The following CATSPERE variants were observed in gnomAD, a reference collection of about 807,000 sequenced individuals.
The protein encoded by CATSPERE is cation channel sperm-associated auxiliary subunit epsilon.
In CATSPERE, 93 loss-of-function variants were observed where a neutral mutation model predicts 114.1. That is an observed-to-expected ratio of 0.81 (90% CI 0.69 to 0.97). The LOEUF is 0.97. Among genes scored for constraint, CATSPERE ranks in the 50% least tolerant of loss-of-function variants. The pLI, the probability that CATSPERE is intolerant of heterozygous loss-of-function variation, is 0.00. For missense variants in CATSPERE, 1,058 were observed against 1,131.6 expected (o/e 0.93, Z 0.93); for synonymous variants, 341 against 384.1 (o/e 0.89, Z 1.31).
chr1:244,513,060 T>C (rs1207400409), intron 7 of CATSPERE, among the ~76,000 whole-genome samples: 1 of 152,194 alleles, frequency 6.6e-6, no homozygotes, highest in Non-Finnish European at 1.5e-5. Context: ...TTCTTGGGCC[T>C]CCAGGTGGCT....
chr1:244,485,694 T>TG, intron 5 of CATSPERE, among the ~76,000 whole-genome samples: 1 of 101,374 alleles, frequency 9.9e-6, no homozygotes, highest in South Asian at 2.9e-4. Context: ...CTAAATTTTG[T>TG]TTTTTTTGTT....
intron 9 of CATSPERE, among the ~76,000 whole-genome samples, chr1:244,560,149 C>T (rs1662324696): frequency 1.3e-5 from 2 of 151,960 alleles, no homozygotes; most frequent in Non-Finnish European, 2.9e-5. Context: ...CACGCCACCA[C>T]CCCCAACTAG....
chr1:244,593,542 T>C lies in CATSPERE; in HGVS notation c.2267T>C (p.Leu756Pro). 6.2e-7 allele frequency: 1 copy of C among 1,614,094 alleles called. No individual in the cohort carries two copies. The highest frequency in any genetic ancestry group is 8.5e-7 in the Non-Finnish European group (1 of 1,179,960). ...IWGEYGCPLRLDFTEKFQPVV... is the reference protein window; with the variant it reads ...IWGEYGCPLRPDFTEKFQPVV... ...GGAGAATATGGCTGCCCTCTGAGGC[T>C]TGACTTCACAGAAAAGTTTCAACCT... Residue 756 changes from leucine (L) to proline (P), a missense_variant, in exon 17 of 22, where the codon CTT becomes CCT. Physicochemically the swap from Leu to Pro is moderately conservative, Grantham distance 98. Transcript: ENST00000366534.
chr1:244,512,358 G>T (rs944315888), intron 7 of CATSPERE, among the ~76,000 whole-genome samples: 5 of 152,082 alleles, frequency 3.3e-5, no homozygotes, highest in Admixed American at 3.3e-4. Context: ...TTTATGCATT[G>T]AATTCTTCAG....
At position 244,568,815 on chromosome 1, in the gene CATSPERE, C is replaced by T. The variant is rs1049928334; in HGVS notation, c.1508-3515C>T. 6.6e-6 allele frequency among the ~76,000 whole-genome samples: 1 copy of T among 152,190 alleles called. No homozygotes were observed. The highest frequency in any genetic ancestry group is 1.5e-5 in the Non-Finnish European group (1 of 68,034). On this transcript the variant is annotated intron_variant, in intron 10 of 21. Transcript: ENST00000366534. The surrounding 1 kb of genome is among the most constrained non-coding windows in gnomAD (Gnocchi z 4.4). ...GGATCCACTGAGCTAGACCACTTGGCTCCCTGGCTTCAGCCCCCTTTCCAG... is the reference window on the plus strand; with the variant it reads ...GGATCCACTGAGCTAGACCACTTGGTTCCCTGGCTTCAGCCCCCTTTCCAG...
At chr1:244,481,297 A>G (rs1670227427) in intron 5 of CATSPERE, among the ~76,000 whole-genome samples, 1 of 151,618 alleles carries the variant, frequency 6.6e-6, no homozygotes, top group South Asian at 2.1e-4. Context: ...AAAATACAAA[A>G]AGAATTAGCC....
chr1:244,548,773 G>T (rs1268859054), intron 8 of CATSPERE, among the ~76,000 whole-genome samples: 1 of 152,190 alleles, frequency 6.6e-6, no homozygotes, highest in Non-Finnish European at 1.5e-5. Context: ...GGCTGAGCAA[G>T]GTTCCCCAGA....
intron 20 of CATSPERE, among the ~76,000 whole-genome samples, chr1:244,623,057 T>TA (rs1196548183): frequency 2.4e-4 from 31 of 127,680 alleles, no homozygotes; most frequent in African/African-American, 5.5e-4. Context: ...ATTTGTCTTA[T>TA]TTTTATTTAT....
chr1:244,536,314 G>A (rs543097599), intron 8 of CATSPERE, among the ~76,000 whole-genome samples: 3 of 152,042 alleles, frequency 2.0e-5, no homozygotes, highest in Non-Finnish European at 4.4e-5. Context: ...TCTGAGCCCA[G>A]TACAGCACTA....
intron 8 of CATSPERE, among the ~76,000 whole-genome samples, chr1:244,531,235 C>CA (rs60936159): frequency 0.028 from 1,637 of 58,942 alleles, 30 homozygotes; most frequent in Non-Finnish European, 0.034. Context: ...GACTCAGTCT[C>CA]AAAAAAAAAA....
At chr1:244,500,760 G>A (rs1172484453) in intron 7 of CATSPERE, among the ~76,000 whole-genome samples, 6 of 151,666 alleles carry the variant, frequency 4.0e-5, no homozygotes, top group Non-Finnish European at 7.4e-5. Context: ...TTGTAGTATA[G>A]TTTCAAGTCA....
chr1:244,515,047 T>TA (rs1676399334), intron 7 of CATSPERE, among the ~76,000 whole-genome samples: 1 of 152,212 alleles, frequency 6.6e-6, no homozygotes, highest in Non-Finnish European at 1.5e-5. Flanking sequence ...AATCCTATTT[T>TA]AAAATCTCTT....
intron 13 of CATSPERE, among the ~76,000 whole-genome samples, chr1:244,587,708 G>T (rs1380583924): frequency 2.0e-5 from 3 of 152,210 alleles, no homozygotes; most frequent in Non-Finnish European, 4.4e-5. Flanking sequence ...GAGTATTGCT[G>T]CTTAAAGGAG....
intron 6 of CATSPERE, 58 bp downstream of exon 6, chr1:244,490,529 T>C: frequency 1.9e-6 from 2 of 1,035,256 alleles, no homozygotes; most frequent in Non-Finnish European, 2.9e-6. Context: ...ATTGTTTCTC[T>C]CTTATCTTCC....
intron 5 of CATSPERE, among the ~76,000 whole-genome samples, chr1:244,482,462 C>T (rs1015528809): frequency 6.6e-6 from 1 of 151,976 alleles, no homozygotes; most frequent in African/African-American, 2.4e-5. Context: ...AGTTGTCAGG[C>T]ATGATGACTT....
At position 244,499,098 on chromosome 1, in the gene CATSPERE, A is replaced by G. The variant is rs755365794; in HGVS notation, c.429+19A>G. ...TTCAATAGTAGGTGGAAACATTAGTATCGTCATAGTAAGAACAGAATGCTG... is the reference window on the plus strand; with the variant it reads ...TTCAATAGTAGGTGGAAACATTAGTGTCGTCATAGTAAGAACAGAATGCTG... On this transcript the variant is annotated intron_variant, in intron 7 of 21. Coordinates refer to ENST00000366534, the MANE Select transcript of CATSPERE (RefSeq NM_001130957.2). 3.8e-6 allele frequency: 6 copies of G among 1,563,162 alleles called. No homozygotes were observed. The highest frequency in any genetic ancestry group is 5.3e-6 in the Non-Finnish European group (6 of 1,134,334).
intron 11 of CATSPERE, among the ~76,000 whole-genome samples, chr1:244,581,554 T>C (rs1666174341): frequency 6.6e-6 from 1 of 152,226 alleles, no homozygotes; most frequent in Admixed American, 6.5e-5. Flanking sequence ...TTAACAGCTC[T>C]ATATCTATAC....
At chr1:244,493,761 A>G (rs1490824092) in intron 6 of CATSPERE, among the ~76,000 whole-genome samples, 6 of 152,204 alleles carry the variant, frequency 3.9e-5, no homozygotes, top group Admixed American at 2.0e-4. Context: ...CAAGAAATAA[A>G]CAAACAACCC....
At chr1:244,611,145 A>G (rs1034454090) in intron 19 of CATSPERE, among the ~76,000 whole-genome samples, 34 of 152,200 alleles carry the variant, frequency 2.2e-4, no homozygotes, top group Admixed American at 5.2e-4. Context: ...TTTATTTTCT[A>G]GCTCCCTTAC....
Sources: gnomAD v4.1 joint callset for allele counts (sites outside exome capture counted in the v4.1 genomes callset) on GRCh38, gnomAD v4.1.1 for gene constraint, Gnocchi (gnomAD v3.1) non-coding constraint, MANE v1.5 for transcripts, NCBI Gene and HGNC (gene_info 2026-07-23, HGNC 2026-07-21) for gene names.